The following TENM1 variants were observed in gnomAD, a reference collection of about 807,000 sequenced individuals.
TENM1 encodes the protein teneurin transmembrane protein 1, also known as teneurin-1.
TENM1 carries 35 observed loss-of-function variants against 174.8 expected under a neutral mutation model. The observed-to-expected ratio is 0.20, with a 90% CI of 0.15 to 0.27. The LOEUF is 0.27. Ranked by LOEUF, TENM1 falls within the 10% of genes least tolerant of loss-of-function variation. TENM1 has a pLI of 1.00. For missense variants in TENM1, 1,633 were observed against 2,130.1 expected (o/e 0.77, Z 4.59); for synonymous variants, 781 against 798.7 (o/e 0.98, Z 0.37).
intron 3 of TENM1, among the ~76,000 whole-genome samples, chrX:124,843,470 C>T (rs1053281494): frequency 5.4e-5 from 6 of 110,658 alleles, no homozygotes; most frequent in Non-Finnish European, 1.1e-4. Context: ...AGCTGATTCC[C>T]GTTGCCTCCC....
At chrX:124,824,386 T>A (rs973055143) in intron 3 of TENM1, among the ~76,000 whole-genome samples, 4 of 112,074 alleles carry the variant, frequency 3.6e-5, no homozygotes, top group Non-Finnish European at 7.5e-5. Flanking sequence ...CTATTCACTT[T>A]ACACATTTTC....
chrX:124,712,968 T>C (rs2053094718), intron 4 of TENM1, among the ~76,000 whole-genome samples: 1 of 111,857 alleles, frequency 8.9e-6, no homozygotes, highest in African/African-American at 3.2e-5. Context: ...GGCAAAGATA[T>C]CAACCTCAAC....
At chrX:124,511,119 A>G (rs1287398604) in intron 18 of TENM1, among the ~76,000 whole-genome samples, 1 of 112,266 alleles carries the variant, frequency 8.9e-6, no homozygotes, top group Non-Finnish European at 1.9e-5. Flanking sequence ...AACATATTTC[A>G]TATGTAAGGA....
the TENM1 span, among the ~76,000 whole-genome samples, chrX:124,969,228 G>C: frequency 8.9e-6 from 1 of 112,668 alleles, no homozygotes; most frequent in Non-Finnish European, 1.9e-5. Flanking sequence ...CTATGGAACA[G>C]AGTGCAAAAC....
chrX:124,538,939 A>G (rs1011636840), intron 15 of TENM1, among the ~76,000 whole-genome samples: 3 of 111,260 alleles, frequency 2.7e-5, no homozygotes, highest in Non-Finnish European at 3.8e-5. Context: ...AAGATCTGCT[A>G]TTTTTTTCTG....
At chrX:124,994,013 T>A in the TENM1 span, among the ~76,000 whole-genome samples, 1 of 110,264 alleles carries the variant, frequency 9.1e-6, no homozygotes, top group African/African-American at 3.3e-5. Context: ...ATTTTCATGA[T>A]GATTTTTCTG....
the TENM1 span, among the ~76,000 whole-genome samples, chrX:125,186,582 A>C: frequency 2.8e-5 from 3 of 108,780 alleles, no homozygotes; most frequent in Admixed American, 2.0e-4. Flanking sequence ...TGGTTGAAAA[A>C]AAAAAAAGCC....
At chrX:124,405,117 C>T (rs919119804) in exon 27 of TENM1, 5 of 1,211,660 alleles carry the variant, frequency 4.1e-6, no homozygotes, top group Admixed American at 2.2e-5. Flanking sequence ...TTGTGCTCTC[C>T]GGGCAATGAG....
At chrX:124,502,786 C>T (rs1327182325) in intron 19 of TENM1, among the ~76,000 whole-genome samples, 2 of 112,145 alleles carry the variant, frequency 1.8e-5, no homozygotes, top group Admixed American at 1.9e-4. Context: ...CTATAGTAGG[C>T]GGTCTCTTTC....
intron 1 of TENM1, among the ~76,000 whole-genome samples, chrX:124,955,846 T>C (rs2058566313): frequency 9.5e-6 from 1 of 105,173 alleles, no homozygotes; most frequent in Non-Finnish European, 2.0e-5. Flanking sequence ...TTCTTTAAAA[T>C]TGATCTAAAT....
At chrX:124,631,824 G>A (rs768630919) in intron 11 of TENM1, among the ~76,000 whole-genome samples, 1 of 103,681 alleles carries the variant, frequency 9.6e-6, no homozygotes, top group Non-Finnish European at 2.0e-5. Flanking sequence ...CACGGGCGAA[G>A]GTTGCAGTGA....
intron 3 of TENM1, among the ~76,000 whole-genome samples, chrX:124,837,067 T>C (rs2056406227): frequency 8.9e-6 from 1 of 112,280 alleles, no homozygotes; most frequent in African/African-American, 3.2e-5. Flanking sequence ...ATCCAACTAT[T>C]ACATACAGAT....
the TENM1 span, among the ~76,000 whole-genome samples, chrX:125,111,372 C>T: frequency 2.7e-5 from 3 of 110,781 alleles, no homozygotes; most frequent in Non-Finnish European, 5.7e-5. Flanking sequence ...AGTTCAAGAC[C>T]AGCCTGCCCA....
chrX:124,889,341 G>T (rs1420372538), intron 3 of TENM1, among the ~76,000 whole-genome samples: 1 of 111,080 alleles, frequency 9.0e-6, no homozygotes, highest in Non-Finnish European at 1.9e-5. Flanking sequence ...TTTAGAAATG[G>T]CACTAAAAAA....
At chrX:125,054,382 A>G in the TENM1 span, among the ~76,000 whole-genome samples, 1 of 110,377 alleles carries the variant, frequency 9.1e-6, no homozygotes, top group Non-Finnish European at 1.9e-5. Context: ...TTCTTTATAA[A>G]TTACCTAGTC....
At chrX:124,693,629 A>C (rs1285742125) in intron 5 of TENM1, among the ~76,000 whole-genome samples, 1 of 110,912 alleles carries the variant, frequency 9.0e-6, no homozygotes, top group African/African-American at 3.3e-5. Context: ...CATTTTGTAC[A>C]TTTCTGTTCT....
chrX:124,723,571 G>A (rs2053368815), intron 4 of TENM1, among the ~76,000 whole-genome samples: 1 of 106,722 alleles, frequency 9.4e-6, no homozygotes, highest in Non-Finnish European at 1.9e-5. Context: ...ATGAGCTCTG[G>A]AAGCAGACAT....
rs768522931 is a variant in TENM1 at position 124,741,929 on chromosome X, C to G, written c.536-4732G>C. Among the ~76,000 whole-genome samples, 12 of 112,364 alleles carry G rather than the reference C, an allele frequency of 1.1e-4. 1 individual carries two copies. Among genetic ancestry groups the G allele is most frequent in the Middle Eastern group, 4.6e-3 (1 of 217 alleles). ...ATTTGTCTTAAGTTCAAACTGTTCT[C>G]AAACATCCCAATGGCAAAGGAAAAA... On this transcript the variant is annotated intron_variant, in intron 3 of 31. Transcript: ENST00000422452.
rs190967302 is a variant in TENM1, at chrX:124,588,883, C to T, written c.2078-23323G>A. On this transcript the variant is annotated intron_variant, in intron 11 of 31. Coordinates refer to ENST00000422452, the Ensembl canonical transcript of TENM1. ...AGTTCCTCTCTTCCTATTTGGATGC[C>T]TTTTATTTCTTTCTCTTGCCTAATT... Among the ~76,000 whole-genome samples the T allele has an allele frequency of 2.2e-4, 24 of 109,846 alleles. No individual in the cohort carries two copies. The East Asian group carries it at 5.8e-3, about 26-fold the overall frequency.
Sources: gnomAD v4.1 joint callset for allele counts (sites outside exome capture counted in the v4.1 genomes callset) on GRCh38, gnomAD v4.1.1 for gene constraint, MANE v1.5 for transcripts, NCBI Gene and HGNC (gene_info 2026-07-23, HGNC 2026-07-21) for gene names.